OGA: variants seen among roughly 807,000 people sequenced by gnomAD.
The protein encoded by OGA is protein O-GlcNAcase.
In OGA, 21 loss-of-function variants were observed where a neutral mutation model predicts 102.0. That is an observed-to-expected ratio of 0.21 (90% CI 0.15 to 0.30). The LOEUF (loss-of-function observed/expected upper bound fraction) is 0.30, where lower values mean the gene tolerates loss of function less well. Among genes scored for constraint, OGA ranks in the 10% least tolerant of loss-of-function variants. OGA has a pLI of 1.00. For synonymous variants in OGA, 408 were observed against 378.2 expected (o/e 1.08, Z -0.91); for missense variants, 765 against 1,107.8 (o/e 0.69, Z 4.39).
At chr10:101,793,567 A>G (rs984072023) in intron 11 of OGA, 1 of 166,076 alleles carries the variant, frequency 6.0e-6, no homozygotes, top group Admixed American at 6.1e-5. Context: ...ATTTATTGGC[A>G]TAATTACTAT....
chr10:101,803,033 C>A (rs1018310637), intron 7 of OGA, among the ~76,000 whole-genome samples: 1 of 145,144 alleles, frequency 6.9e-6, no homozygotes, highest in East Asian at 2.0e-4. Flanking sequence ...CCCAGCTACT[C>A]GGGAGGCTGA....
At position 101,785,021 on chromosome 10, in the gene OGA, C is replaced by T. The variant is rs1342607944; in HGVS notation, c.*1430G>A. The T allele has an allele frequency of 2.0e-5, 3 of 152,210 alleles. No homozygotes were observed. The highest frequency in any genetic ancestry group is 7.2e-5 in the African/African-American group (3 of 41,454). The allele number at this position is 152,210 out of a possible 1,614,324, so 9.4% of individuals were successfully genotyped here. A position where few individuals can be genotyped will look rare whatever the true frequency, so the allele number is the denominator to read the frequency against. On this transcript the variant is annotated 3_prime_UTR_variant, in exon 16 of 16. Transcript: ENST00000361464. ...TGCTTTAGGGCTCTCTCAAAGCCCA[C>T]AATGGTGGAGTTCTGTGAAAGAAAA...
Position 101,798,845 on chromosome 10 carries a change from T to C in OGA, c.1806A>G (p.Glu602=), listed in dbSNP as rs1243990744. 1 of 1,610,754 alleles carries C rather than the reference T, an allele frequency of 6.2e-7. No homozygotes were observed. Among genetic ancestry groups the C allele is most frequent in the Non-Finnish European group, 8.5e-7 (1 of 1,177,906 alleles). Residue 602 remains glutamate, a synonymous_variant, in exon 9 of 16, where the codon GAA becomes GAG. Coordinates refer to ENST00000361464, the MANE Select transcript of OGA (RefSeq NM_012215.5). Reference sequence around the variant, plus strand: ...CAGGTACATTAAACATACTCACTTTTTCAGAGTCTTTTCCTTTGCAATTGA... The same window carrying C: ...CAGGTACATTAAACATACTCACTTTCTCAGAGTCTTTTCCTTTGCAATTGA... ...VSVNCKGKDS[E]KIEEWRSRAA... is the part of the protein sequence containing the mutation.
intron 1 of OGA, among the ~76,000 whole-genome samples, chr10:101,813,926 C>T (rs2065588876): frequency 1.3e-5 from 2 of 152,022 alleles, no homozygotes; most frequent in Non-Finnish European, 2.9e-5. Flanking sequence ...ATATTTAATT[C>T]CAATTTTTTA....
chr10:101,809,988 G>C (rs1287567104), intron 4 of OGA, among the ~76,000 whole-genome samples, 196 bp downstream of exon 4: 1 of 152,140 alleles, frequency 6.6e-6, no homozygotes, highest in Admixed American at 6.5e-5. Context: ...GGAGGTTGCA[G>C]TGAGCCGAGA....
At chr10:101,793,718 G>T (rs894037978) in intron 11 of OGA, 195 bp downstream of exon 11, 7 of 514,638 alleles carry the variant, frequency 1.4e-5, no homozygotes, top group Non-Finnish European at 2.5e-5. Context: ...GCGCGGGGGG[G>T]ATTGGCAGCA....
intron 11 of OGA, 49 bp from the exon 12 acceptor site, chr10:101,792,992 T>C: frequency 6.9e-7 from 1 of 1,442,492 alleles, no homozygotes; most frequent in Middle Eastern, 1.7e-4. Flanking sequence ...AAGGTATCCA[T>C]TTTTTTAAAT....
rs1228858646 is a variant in OGA, at chr10:101,798,827, A to C, written c.1809+15T>G. 6.2e-7 allele frequency: 1 copy of C among 1,603,866 alleles called. No individual in the cohort carries two copies. Among genetic ancestry groups the C allele is most frequent in the Non-Finnish European group, 8.5e-7 (1 of 1,174,262 alleles). On this transcript the variant is annotated intron_variant, in intron 9 of 15. Coordinates refer to ENST00000361464, the MANE Select transcript of OGA (RefSeq NM_012215.5). Reference sequence around the variant, plus strand: ...CCACCCAGGCTTCAGCAGCAGGTACATTAAACATACTCACTTTTTCAGAGT... The same window carrying C: ...CCACCCAGGCTTCAGCAGCAGGTACCTTAAACATACTCACTTTTTCAGAGT...
At chr10:101,796,088 G>C (rs963096406) in intron 10 of OGA, 1 of 207,438 alleles carries the variant, frequency 4.8e-6, no homozygotes, top group African/African-American at 2.4e-5. Flanking sequence ...CAATAATCCA[G>C]ATTTCAGGTT....
intron 7 of OGA, among the ~76,000 whole-genome samples, chr10:101,803,267 T>G (rs2065419298): frequency 6.6e-6 from 1 of 152,004 alleles, no homozygotes; most frequent in Non-Finnish European, 1.5e-5. Context: ...AAAATACATT[T>G]TATCCGAATG....
At chr10:101,805,748 G>A (rs1042049282) in intron 6 of OGA, among the ~76,000 whole-genome samples, 6 of 151,706 alleles carry the variant, frequency 4.0e-5, no homozygotes, top group African/African-American at 1.5e-4. Context: ...GAGGTCAGGA[G>A]ATCGAGACCA....
Position 101,813,944 on chromosome 10 carries a change from T to TTTAATTC in OGA, c.200-339_200-338insGAATTAA, listed in dbSNP as rs1306610532. ...TTTAATTCCAATTTTTTAAGAGATCTCAATCTTATAATGGGGAACGGCAGC... is the reference window on the plus strand; with the variant it reads ...TTTAATTCCAATTTTTTAAGAGATCTTTAATTCCAATCTTATAATGGGGAACGGCAGC... On this transcript the variant is annotated intron_variant, in intron 1 of 15. Transcript: ENST00000361464. 1.1e-3 allele frequency among the ~76,000 whole-genome samples: 168 copies of TTTAATTC among 152,326 alleles called. 1 individual carries two copies. Among genetic ancestry groups the TTTAATTC allele is most frequent in the Non-Finnish European group, 1.9e-4 (13 of 68,038 alleles).
intron 3 of OGA, among the ~76,000 whole-genome samples, chr10:101,811,470 C>G (rs948801782): frequency 1.4e-5 from 2 of 142,728 alleles, no homozygotes; most frequent in Non-Finnish European, 3.0e-5. Flanking sequence ...TGAGAGGCCA[C>G]GGCAAGTTGA....
intron 6 of OGA, among the ~76,000 whole-genome samples, chr10:101,805,046 AT>A (rs1409534327): frequency 2.0e-5 from 3 of 151,144 alleles, no homozygotes; most frequent in Non-Finnish European, 3.0e-5. Flanking sequence ...TATTAACTGA[AT>A]TTTTTTTGAG....
intron 6 of OGA, among the ~76,000 whole-genome samples, chr10:101,805,624 C>T (rs1301267074): frequency 7.2e-6 from 1 of 139,246 alleles, no homozygotes; most frequent in East Asian, 2.2e-4. Context: ...CACTGCACTC[C>T]AGCCTGGGCA....
intron 9 of OGA, 78 bp from the exon 10 acceptor site, chr10:101,798,232 G>A (rs2065342209): frequency 7.3e-7 from 1 of 1,368,698 alleles, no homozygotes. Context: ...ACATTAAGCT[G>A]CTTATGTTGT....
At chr10:101,816,756 T>C (rs556554753) in intron 1 of OGA, among the ~76,000 whole-genome samples, 2 of 152,214 alleles carry the variant, frequency 1.3e-5, no homozygotes, top group East Asian at 1.9e-4. Flanking sequence ...TAGCCTGTTA[T>C]GGTCTGTACC....
rs751854168 is a variant in OGA at position 101,803,756 on chromosome 10, C to G, written c.1015G>C (p.Val339Leu). The change falls in exon 7 of 16, where the codon GTG becomes CTG. Residue 339 changes from valine (V) to leucine (L), a missense_variant. Val to Leu is a conservative substitution (Grantham distance 32). Around this residue, in one of 7 missense-constraint regions of OGA, gnomAD observed 33 missense variants for 52.5 expected, o/e 0.63. Transcript: ENST00000361464. Reference protein sequence around the residue: ...ATWYKSNMNGVRKDVVMTDSE... With the variant: ...ATWYKSNMNGLRKDVVMTDSE... ...TTACTCATCACTACATCTTTTCTCACTCCATTCATGTTTGATTTGTACCAG... is the reference window on the plus strand; with the variant it reads ...TTACTCATCACTACATCTTTTCTCAGTCCATTCATGTTTGATTTGTACCAG... The G allele has an allele frequency of 6.2e-7, 1 of 1,614,142 alleles. No individual in the cohort carries two copies. The highest frequency in any genetic ancestry group is 8.5e-7 in the Non-Finnish European group (1 of 1,179,966).
chr10:101,803,393 T>C (rs1361335034), intron 7 of OGA, among the ~76,000 whole-genome samples: 1 of 148,978 alleles, frequency 6.7e-6, no homozygotes, highest in East Asian at 2.0e-4. Context: ...TTGTCCAGGC[T>C]GGAGTGCATT....
Sources: gnomAD v4.1 joint callset for allele counts (sites outside exome capture counted in the v4.1 genomes callset) on GRCh38, gnomAD v4.1.1 for gene constraint, gnomAD v4.1.1 regional missense constraint, MANE v1.5 for transcripts, NCBI Gene and HGNC (gene_info 2026-07-23, HGNC 2026-07-21) for gene names.